Variants in AP1M2 observed in about 807,000 individuals in gnomAD.
AP1M2 encodes the protein adaptor related protein complex 1 subunit mu 2, also known as AP-1 complex subunit mu-2.
In AP1M2, 41 loss-of-function variants were observed where a neutral mutation model predicts 54.6. That is an observed-to-expected ratio of 0.75 (90% CI 0.59 to 0.97). The LOEUF (loss-of-function observed/expected upper bound fraction) is 0.97. Ranked by LOEUF, AP1M2 falls within the 50% of genes least tolerant of loss-of-function variation. The pLI, the probability that AP1M2 is intolerant of heterozygous loss-of-function variation, is 0.00. For missense variants in AP1M2, 507 were observed against 561.2 expected (o/e 0.90, Z 0.98); for synonymous variants, 219 against 215.9 (o/e 1.01, Z -0.13).
Position 10,584,060 on chromosome 19 carries a change from C to T in AP1M2, c.53G>A (p.Ser18Asn). ...ILDVKGKPLI[S>N]RNYKGDVAMS... ...GGCCACATCGCCCTTGTAGTTGCGGCTGATCAATGGCTGAGGGTGGAAGGA... is the reference window on the plus strand; with the variant it reads ...GGCCACATCGCCCTTGTAGTTGCGGTTGATCAATGGCTGAGGGTGGAAGGA... The change falls in exon 2 of 12, where the codon AGC becomes AAC. Residue 18 changes from serine (S) to asparagine (N), a missense_variant. Transcript: ENST00000250244. 6.2e-7 allele frequency: 1 copy of T among 1,610,238 alleles called. No individual in the cohort carries two copies. Among genetic ancestry groups the T allele is most frequent in the Non-Finnish European group, 8.5e-7 (1 of 1,178,472 alleles).
rs1360420161 is a variant in AP1M2, at chr19:10,579,798, G to A, written c.734C>T (p.Ser245Phe). ...DVKFHQCVRL[S>F]RFDNDRTISF... ...GATGGTGCGGTCGTTGTCAAAGCGAGAGAGCCGCACGCACTGGTGGAATTT... is the reference window on the plus strand; with the variant it reads ...GATGGTGCGGTCGTTGTCAAAGCGAAAGAGCCGCACGCACTGGTGGAATTT... The change falls in exon 7 of 12, where the codon TCT becomes TTT. Residue 245 changes from serine to phenylalanine, a missense_variant. Coordinates refer to ENST00000250244, the MANE Select transcript of AP1M2 (RefSeq NM_005498.5). The A allele has an allele frequency of 2.5e-6, 4 of 1,613,834 alleles. No homozygotes were observed. The highest frequency in any genetic ancestry group is 1.3e-5 in the African/African-American group (1 of 75,030).
intron 3 of AP1M2, among the ~76,000 whole-genome samples, chr19:10,582,454 C>A (rs1331406160): frequency 6.6e-6 from 1 of 151,488 alleles, no homozygotes; most frequent in Non-Finnish European, 1.5e-5. Flanking sequence ...AAGCCCCTGT[C>A]TCAAAAAGAA....
intron 1 of AP1M2, chr19:10,585,044 T>G (rs1917583773): frequency 6.6e-6 from 1 of 151,290 alleles, no homozygotes. Flanking sequence ...GCGGGATCCC[T>G]CTACAAAAAA....
intron 1 of AP1M2, among the ~76,000 whole-genome samples, chr19:10,584,437 G>C (rs565079740): frequency 3.3e-5 from 5 of 152,102 alleles, no homozygotes; most frequent in Admixed American, 2.6e-4. Context: ...AAAATTAGCC[G>C]GGCGTGATGG....
At chr19:10,585,969 C>T (rs1203828621) in intron 1 of AP1M2, among the ~76,000 whole-genome samples, 1 of 151,524 alleles carries the variant, frequency 6.6e-6, no homozygotes, top group Non-Finnish European at 1.5e-5. Flanking sequence ...TCCATCTGTA[C>T]AAAAAAATAA....
chr19:10,578,214 C>A (rs1303848999), intron 8 of AP1M2, among the ~76,000 whole-genome samples: 2 of 152,152 alleles, frequency 1.3e-5, no homozygotes, highest in Non-Finnish European at 2.9e-5. Context: ...GTAAAATGGA[C>A]AGGATAAGGG....
chr19:10,576,232 C>T (rs1917230154), intron 9 of AP1M2, among the ~76,000 whole-genome samples: 1 of 148,458 alleles, frequency 6.7e-6, no homozygotes. Flanking sequence ...GCTGGTACTA[C>T]AGGCGCACAC....
In AP1M2 at chr19:10,583,554, G is replaced by A. The variant is rs1408641660; in HGVS notation, c.267+52C>T. On this transcript the variant is annotated intron_variant, in intron 3 of 11. Transcript: ENST00000250244. ...GGATCTTGAATCTTGAAAGAGGCGG[G>A]CAAGAGGGATAGACGGATAGACCAG... 2.9e-6 allele frequency: 4 copies of A among 1,379,066 alleles called. No individual in the cohort carries two copies. The African/African-American group carries it at 5.7e-5, about 20-fold the overall frequency. The allele number at this position is 1,379,066 out of a possible 1,614,324, so 85.4% of individuals were successfully genotyped here. A position where few individuals can be genotyped will look rare whatever the true frequency, so the allele number is the denominator to read the frequency against.
At chr19:10,578,118 T>A (rs1359136905) in intron 8 of AP1M2, among the ~76,000 whole-genome samples, 3 of 152,152 alleles carry the variant, frequency 2.0e-5, no homozygotes, top group African/African-American at 7.2e-5. Flanking sequence ...TCGAGCCTCA[T>A]GGGTGTGGGC....
chr19:10,573,125 T>C (rs1247067588), intron 11 of AP1M2, 37 bp from the exon 12 acceptor site: 7 of 1,551,566 alleles, frequency 4.5e-6, no homozygotes, highest in South Asian at 3.6e-5. Context: ...ATCTCAGAAA[T>C]GGGGAGAGGG....
intron 1 of AP1M2, among the ~76,000 whole-genome samples, chr19:10,585,860 C>T (rs1177912352): frequency 6.6e-6 from 1 of 152,092 alleles, no homozygotes; most frequent in Non-Finnish European, 1.5e-5. Flanking sequence ...AGGCTGACTG[C>T]AGTGGCTCAC....
At chr19:10,581,994 A>T (rs568708437) in intron 3 of AP1M2, 116 bp from the exon 4 acceptor site, 2 of 1,204,646 alleles carry the variant, frequency 1.7e-6, no homozygotes, top group Non-Finnish European at 2.3e-6. Context: ...ACTTAAGGTC[A>T]TGAGTTCAAG....
Position 10,585,283 on chromosome 19 carries a change from A to AAAGAAAGAAAGAAAGAAGGAAAGAAAG in AP1M2, c.43-1214_43-1213insCTTTCTTTCCTTCTTTCTTTCTTTCTT, listed in dbSNP as rs1568434699. ...AAGAAGGAAAGAAAGAAAGAAGAAAAAAAGAAAGAAAGAAAGAAAGAAAGA... is the reference window on the plus strand; with the variant it reads ...AAGAAGGAAAGAAAGAAAGAAGAAAAAAGAAAGAAAGAAAGAAGGAAAGAAAGAAAGAAAGAAAGAAAGAAAGAAAGA... On this transcript the variant is annotated intron_variant, in intron 1 of 11. Coordinates refer to ENST00000250244, the MANE Select transcript of AP1M2 (RefSeq NM_005498.5). Among the ~76,000 whole-genome samples, 149 of 104,602 alleles carry AAAGAAAGAAAGAAAGAAGGAAAGAAAG rather than the reference A, an allele frequency of 1.4e-3. 7 individuals are homozygous for AAAGAAAGAAAGAAAGAAGGAAAGAAAG. Among genetic ancestry groups the AAAGAAAGAAAGAAAGAAGGAAAGAAAG allele is most frequent in the East Asian group, 3.8e-3 (14 of 3,678 alleles). The allele number at this position is 104,602 out of a possible 152,430, so 68.6% of individuals were successfully genotyped here.
intron 3 of AP1M2, among the ~76,000 whole-genome samples, chr19:10,582,908 C>T (rs1473911788): frequency 6.6e-6 from 1 of 151,310 alleles, no homozygotes; most frequent in African/African-American, 2.4e-5. Flanking sequence ...TCACCACAAC[C>T]TCTGCCTTCC....
chr19:10,583,486 A>G, intron 3 of AP1M2, 120 bp downstream of exon 3: 1 of 719,694 alleles, frequency 1.4e-6, no homozygotes, highest in Non-Finnish European at 2.3e-6. Flanking sequence ...AAAAAAAAAA[A>G]GGGAAGACCC....
chr19:10,580,494 C>CA (rs1917403892), intron 6 of AP1M2, among the ~76,000 whole-genome samples: 1 of 151,938 alleles, frequency 6.6e-6, no homozygotes, highest in Non-Finnish European at 1.5e-5. Flanking sequence ...ACCTCGTCTC[C>CA]ACTAAAAATA....
intron 1 of AP1M2, 128 bp from the exon 2 acceptor site, chr19:10,584,198 G>A (rs902119384): frequency 1.2e-5 from 14 of 1,204,998 alleles, no homozygotes; most frequent in Admixed American, 4.8e-5. Flanking sequence ...GCCTCCTTGT[G>A]CCTGTTTCCT....
intron 11 of AP1M2, 92 bp downstream of exon 11, chr19:10,574,325 T>C (rs565665107): frequency 2.8e-6 from 3 of 1,080,982 alleles, no homozygotes; most frequent in African/African-American, 3.2e-5. Flanking sequence ...TGACCCTTGT[T>C]GGTTTTCTGA....
intron 3 of AP1M2, among the ~76,000 whole-genome samples, chr19:10,582,433 C>T (rs1015036163): frequency 3.3e-5 from 5 of 150,568 alleles, no homozygotes; most frequent in Non-Finnish European, 5.9e-5. Flanking sequence ...CTCCAGCCTG[C>T]GTAACAGAAT....
Sources: gnomAD v4.1 joint callset for allele counts (sites outside exome capture counted in the v4.1 genomes callset) on GRCh38, gnomAD v4.1.1 for gene constraint, MANE v1.5 for transcripts, NCBI Gene and HGNC (gene_info 2026-07-23, HGNC 2026-07-21) for gene names.